CCDC18: variants seen among roughly 807,000 people sequenced by gnomAD.
The protein encoded by CCDC18 is coiled-coil domain-containing protein 18.
Under a neutral mutation model 196.0 loss-of-function variants are expected in CCDC18, and 157 were observed. That is an observed-to-expected ratio of 0.80 (90% CI 0.70 to 0.91). The LOEUF (loss-of-function observed/expected upper bound fraction) is 0.91, where lower values mean the gene tolerates loss of function less well. Ranked by LOEUF, CCDC18 falls within the 40% of genes least tolerant of loss-of-function variation. The probability of loss-of-function intolerance (pLI) is 0.00; values close to 1 mark genes in which losing one functional copy is unlikely to be tolerated. For synonymous variants in CCDC18, 482 were observed against 529.2 expected, an observed-to-expected ratio of 0.91 and a Z score of 1.22; for missense variants, 1,465 against 1,611.6, an observed-to-expected ratio of 0.91 and a Z score of 1.56.
intron 11 of CCDC18, among the ~76,000 whole-genome samples, chr1:93,212,924 T>C (rs909213712): frequency 2.6e-5 from 4 of 152,126 alleles, no homozygotes; most frequent in Admixed American, 6.5e-5. Flanking sequence ...CCTGACCTTG[T>C]TTTCCTGCAA....
intron 23 of CCDC18, among the ~76,000 whole-genome samples, chr1:93,249,316 T>C (rs1377487756): frequency 6.6e-6 from 1 of 152,196 alleles, no homozygotes; most frequent in African/African-American, 2.4e-5. Flanking sequence ...TAATGTTTCC[T>C]TTTTCATCTC....
chr1:93,248,115 A>G (rs1661745509), intron 23 of CCDC18, among the ~76,000 whole-genome samples: 1 of 147,426 alleles, frequency 6.8e-6, no homozygotes, highest in Non-Finnish European at 1.5e-5. Context: ...TCCCGGGTTC[A>G]AGCAATTCTC....
chr1:93,214,315 T>A (rs1656143795), intron 11 of CCDC18, among the ~76,000 whole-genome samples: 1 of 152,206 alleles, frequency 6.6e-6, no homozygotes, highest in South Asian at 2.1e-4. Context: ...TCTTTGGAGC[T>A]TTTGAACCTG....
chr1:93,209,572 G>C (rs1184387801), intron 9 of CCDC18, among the ~76,000 whole-genome samples: 1 of 152,160 alleles, frequency 6.6e-6, no homozygotes, highest in Non-Finnish European at 1.5e-5. Flanking sequence ...CTAGACCCAA[G>C]AAAGTAAATA....
At chr1:93,183,528 G>T in intron 2 of CCDC18, 33 bp downstream of exon 2, 1 of 1,517,990 alleles carries the variant, frequency 6.6e-7, no homozygotes. Context: ...AGAATTCACT[G>T]TGCCTTAAAT....
chr1:93,183,276 A>G, intron 1 of CCDC18, 84 bp from the exon 2 acceptor site: 1 of 902,686 alleles, frequency 1.1e-6, no homozygotes, highest in Non-Finnish European at 1.6e-6. Context: ...AAAACTAATG[A>G]GTTAAATTCT....
upstream of CCDC18, chr1:93,180,382 A>T: frequency 8.0e-7 from 1 of 1,257,380 alleles, no homozygotes; most frequent in Non-Finnish European, 1.1e-6. Flanking sequence ...GCGGCGGCGA[A>T]CACTCCCTCC....
chr1:93,271,549 TCTAA>T, intron 28 of CCDC18: 2 of 983,314 alleles, frequency 2.0e-6, no homozygotes, highest in Non-Finnish European at 2.4e-6. Context: ...TCATACCCAC[TCTAA>T]GCTGGGTGCA....
chr1:93,256,284 G>A (rs1307776814), intron 24 of CCDC18, 51 bp from the exon 25 acceptor site: 2 of 1,496,918 alleles, frequency 1.3e-6, no homozygotes, highest in Non-Finnish European at 1.8e-6. Context: ...ATAAGAAATA[G>A]GTTATCTATA....
rs1661561004 is a variant in CCDC18, at chr1:93,246,886, C to A, written c.3130C>A (p.Gln1044Lys). 4 of 1,544,670 alleles carry A rather than the reference C, an allele frequency of 2.6e-6. No homozygotes were observed. The highest frequency in any genetic ancestry group is 2.8e-5 in the African/African-American group (2 of 71,740). The change falls in exon 23 of 29, where the codon CAA becomes AAA. Residue 1044 changes from glutamine (Q) to lysine (K), a missense_variant. Physicochemically the swap from Gln to Lys is moderately conservative, Grantham distance 53. Coordinates refer to ENST00000690025, the MANE Select transcript of CCDC18 (RefSeq NM_001378204.1). The stretch of plus-strand genomic sequence containing the variant: ...TCGTGAGCACAGAGGAGAAATGGAA[C>A]AAAAAATAATTAAATTAGAAGGTAC... ...TIREHRGEME[Q>K]KIIKLEGTLE... is the part of the protein sequence containing the mutation.
At chr1:93,225,855 A>G (rs1206605958) in intron 16 of CCDC18, among the ~76,000 whole-genome samples, 1 of 152,114 alleles carries the variant, frequency 6.6e-6, no homozygotes, top group Non-Finnish European at 1.5e-5. Flanking sequence ...TTCTTATTCA[A>G]GGAGGCTTAA....
At chr1:93,248,590 T>G (rs1570562855) in intron 23 of CCDC18, among the ~76,000 whole-genome samples, 1 of 152,314 alleles carries the variant, frequency 6.6e-6, no homozygotes. Flanking sequence ...ATTCTGCCTC[T>G]GTGTTCATCA....
intron 4 of CCDC18, among the ~76,000 whole-genome samples, chr1:93,188,429 C>A (rs1467747053): frequency 6.6e-6 from 1 of 152,126 alleles, no homozygotes; most frequent in Non-Finnish European, 1.5e-5. Flanking sequence ...TTTGTTATTT[C>A]CTAGTTTATT....
At chr1:93,238,036 T>C (rs1281464070) in intron 19 of CCDC18, among the ~76,000 whole-genome samples, 3 of 143,746 alleles carry the variant, frequency 2.1e-5, no homozygotes, top group East Asian at 3.9e-4. Context: ...TAATGAAACT[T>C]TGAGGCATAT....
chr1:93,258,457 T>C (rs1663327881), intron 25 of CCDC18, among the ~76,000 whole-genome samples: 1 of 152,176 alleles, frequency 6.6e-6, no homozygotes, highest in Non-Finnish European at 1.5e-5. Context: ...AGTAGACTGT[T>C]ATCTGCCAGA....
intron 4 of CCDC18, chr1:93,191,122 C>A: frequency 3.8e-6 from 2 of 531,448 alleles, no homozygotes; most frequent in South Asian, 1.9e-5. Flanking sequence ...TTGAGTTTCT[C>A]CAGCAAAGAA....
intron 28 of CCDC18, among the ~76,000 whole-genome samples, chr1:93,273,945 T>C (rs975594484): frequency 2.0e-5 from 3 of 152,194 alleles, no homozygotes; most frequent in Admixed American, 2.0e-4. Flanking sequence ...TAATAGTACC[T>C]AATAGTTCTA....
rs537036225 is a variant in CCDC18, at chr1:93,229,275, C to T, written c.2292+2826C>T. Among the ~76,000 whole-genome samples the T allele has an allele frequency of 3.9e-5, 6 of 152,338 alleles. No individual in the cohort carries two copies. In the East Asian group the frequency reaches 1.2e-3, roughly 29 times the overall value. On this transcript the variant is annotated intron_variant, in intron 17 of 28. Coordinates refer to ENST00000690025, the MANE Select transcript of CCDC18 (RefSeq NM_001378204.1). ...GCATTGGCTTGCTTACTTAAAAGGTCATCTGTCACATGTTCATGTGTATTG... is the reference window on the plus strand; with the variant it reads ...GCATTGGCTTGCTTACTTAAAAGGTTATCTGTCACATGTTCATGTGTATTG...
upstream of CCDC18, chr1:93,180,161 A>G: frequency 6.2e-7 from 1 of 1,613,328 alleles, no homozygotes. Flanking sequence ...GAAGGTGTGA[A>G]GCCGGCCGCC....
Sources: gnomAD v4.1 joint callset for allele counts (sites outside exome capture counted in the v4.1 genomes callset) on GRCh38, gnomAD v4.1.1 for gene constraint, MANE v1.5 for transcripts, NCBI Gene and HGNC (gene_info 2026-07-23, HGNC 2026-07-21) for gene names.